CERS6: variants seen among roughly 807,000 people sequenced by gnomAD.
The protein encoded by CERS6 is LAG1 homolog, ceramide synthase 6.
Under a neutral mutation model 56.8 loss-of-function variants are expected in CERS6, and 26 were observed. The observed-to-expected ratio is 0.46, with a 90% confidence interval of 0.34 to 0.63. The LOEUF is 0.63. Ranked by LOEUF, CERS6 falls within the 30% of genes least tolerant of loss-of-function variation. CERS6 has a pLI of 0.01. For synonymous variants in CERS6, 164 were observed against 173.3 expected, an observed-to-expected ratio of 0.95 and a Z score of 0.42; for missense variants, 415 against 467.5, an observed-to-expected ratio of 0.89 and a Z score of 1.04.
At chr2:168,509,011 G>A (rs531281489) in intron 1 of CERS6, among the ~76,000 whole-genome samples, 1 of 152,128 alleles carries the variant, frequency 6.6e-6, no homozygotes, top group Admixed American at 6.5e-5. Context: ...TTTCTAGATG[G>A]TAATTTAAGT....
chr2:168,658,776 A>G (rs1046825174), intron 4 of CERS6, among the ~76,000 whole-genome samples: 1 of 152,248 alleles, frequency 6.6e-6, no homozygotes, highest in African/African-American at 2.4e-5. Flanking sequence ...AAGTTCTTAC[A>G]GCACATTATG....
chr2:168,517,152 G>A (rs1464974785), intron 1 of CERS6, among the ~76,000 whole-genome samples: 2 of 151,752 alleles, frequency 1.3e-5, no homozygotes, highest in African/African-American at 2.4e-5. Context: ...CTCAGGGAAG[G>A]TTACTCTTAG....
At chr2:168,622,588 C>A (rs1189575348) in intron 3 of CERS6, among the ~76,000 whole-genome samples, 1 of 152,172 alleles carries the variant, frequency 6.6e-6, no homozygotes, top group Non-Finnish European at 1.5e-5. Flanking sequence ...AATGAAGACT[C>A]TTCTACCCAA....
chr2:168,693,760 C>A (rs1686566630), intron 5 of CERS6, among the ~76,000 whole-genome samples: 1 of 152,154 alleles, frequency 6.6e-6, no homozygotes, highest in Non-Finnish European at 1.5e-5. Flanking sequence ...CTCCCAAAGG[C>A]CCTGCCTCCA....
chr2:168,739,808 C>T (rs1031067181), intron 8 of CERS6, among the ~76,000 whole-genome samples: 3 of 151,622 alleles, frequency 2.0e-5, no homozygotes, highest in Non-Finnish European at 4.4e-5. Flanking sequence ...TACAATGGCA[C>T]CATCTCAGCT....
At chr2:168,571,929 C>T (rs1559003196) in intron 3 of CERS6, among the ~76,000 whole-genome samples, 1 of 152,158 alleles carries the variant, frequency 6.6e-6, no homozygotes, top group Non-Finnish European at 1.5e-5. Flanking sequence ...CTTATATTGC[C>T]TATTTACAAT....
chr2:168,665,559 C>A (rs1201195476), intron 4 of CERS6, among the ~76,000 whole-genome samples: 1 of 152,164 alleles, frequency 6.6e-6, no homozygotes, highest in Non-Finnish European at 1.5e-5. Context: ...GTAACCTAAT[C>A]TCCCCCTTAA....
intron 3 of CERS6, among the ~76,000 whole-genome samples, chr2:168,566,386 A>G (rs1559000781): frequency 2.0e-5 from 3 of 152,168 alleles, no homozygotes; most frequent in Admixed American, 6.5e-5. Context: ...CAATGCTGCC[A>G]TATTTGTATG....
chr2:168,596,876 G>T (rs1683813147), intron 3 of CERS6, among the ~76,000 whole-genome samples: 3 of 152,190 alleles, frequency 2.0e-5, no homozygotes, highest in African/African-American at 7.2e-5. Flanking sequence ...AAGAGCAAAT[G>T]CTCTTAGAGT....
intron 1 of CERS6, among the ~76,000 whole-genome samples, chr2:168,511,560 T>C (rs1694787367): frequency 6.6e-6 from 1 of 152,174 alleles, no homozygotes; most frequent in South Asian, 2.1e-4. Flanking sequence ...TGCTGAGCAT[T>C]TGTGGGCCTT....
At chr2:168,470,169 T>G (rs1340511192) in intron 1 of CERS6, among the ~76,000 whole-genome samples, 1 of 143,746 alleles carries the variant, frequency 7.0e-6, no homozygotes, top group Non-Finnish European at 1.5e-5. Context: ...CCTGGGAGTT[T>G]GAGACCAACC....
At chr2:168,767,148 C>T (rs910961705) in intron 9 of CERS6, among the ~76,000 whole-genome samples, 6 of 152,192 alleles carry the variant, frequency 3.9e-5, no homozygotes, top group Non-Finnish European at 4.4e-5. Flanking sequence ...GCCTGCTCTT[C>T]AACTTATTCC....
intron 3 of CERS6, among the ~76,000 whole-genome samples, chr2:168,578,149 T>C (rs1291102090): frequency 6.6e-6 from 1 of 151,814 alleles, no homozygotes; most frequent in African/African-American, 2.4e-5. Context: ...GACCAGGCTG[T>C]GGAACTGATA....
intron 4 of CERS6, among the ~76,000 whole-genome samples, chr2:168,671,482 C>T (rs925362038): frequency 6.6e-6 from 1 of 152,126 alleles, no homozygotes; most frequent in African/African-American, 2.4e-5. Context: ...TTTTTGATTA[C>T]TTCCTGTTTA....
rs1261403157 is a variant in CERS6 at position 168,555,722 on chromosome 2, C to CTCTG, written c.277-5469_277-5468insCTGT. On this transcript the variant is annotated intron_variant, in intron 2 of 9. Transcript: ENST00000305747. ...TTATTCTAGGAAAGTATAATTGACT[C>CTCTG]TGTGTGTGTGTGTGTGTGTGTGTGT... 1.0e-3 allele frequency among the ~76,000 whole-genome samples: 148 copies of CTCTG among 141,008 alleles called. 3 individuals are homozygous for CTCTG. In the East Asian group the frequency reaches 0.016, roughly 15 times the overall value. 92.5% of individuals were successfully genotyped at this position (141,008 alleles called of 152,430 possible). A position where few individuals can be genotyped will look rare whatever the true frequency, so the allele number is the denominator to read the frequency against.
chr2:168,765,669 T>C lies in CERS6; in HGVS notation c.923T>C (p.Leu308Pro). Residue 308 changes from leucine to proline, a missense_variant, in exon 9 of 10, where the codon CTA (leucine) becomes CCA (proline). By Grantham distance (98) the Leu-to-Pro change is moderately conservative. Transcript: ENST00000305747. ...YPSWWVFNLL[L>P]LLVQGLNCFW... is the part of the protein sequence containing the mutation. ...TCCTGGTGGGTTTTTAACCTACTGC[T>C]ATTGCTAGTACAAGGGTTGAACTGC... 6.2e-7 allele frequency: 1 copy of C among 1,614,122 alleles called. No individual in the cohort carries two copies. The highest frequency in any genetic ancestry group is 8.5e-7 in the Non-Finnish European group (1 of 1,179,954).
chr2:168,738,772 T>C (rs1683793108), intron 8 of CERS6, among the ~76,000 whole-genome samples: 1 of 152,204 alleles, frequency 6.6e-6, no homozygotes, highest in Non-Finnish European at 1.5e-5. Context: ...GTACCCGTGC[T>C]CCAGAAGCTT....
At position 168,717,974 on chromosome 2, in the gene CERS6, C is replaced by G. The variant is rs772956519; in HGVS notation, c.841C>G (p.Leu281Val). The change falls in exon 8 of 10, where the codon CTC becomes GTC. Residue 281 changes from leucine to valine, a missense_variant. Coordinates refer to ENST00000305747, the MANE Select transcript of CERS6 (RefSeq NM_203463.3). ...FITTRLGIFP[L>V]WVLNTTLFES... The stretch of plus-strand genomic sequence containing the variant: ...CACCACACGACTGGGTATATTTCCT[C>G]TCTGGTGAGTATGCCAGTCTCCTTC... The G allele has an allele frequency of 1.0e-5, 16 of 1,606,192 alleles. No individual in the cohort carries two copies. The highest frequency in any genetic ancestry group is 1.4e-5 in the Non-Finnish European group (16 of 1,173,304).
At chr2:168,578,890 A>G (rs1336917617) in intron 3 of CERS6, among the ~76,000 whole-genome samples, 1 of 152,170 alleles carries the variant, frequency 6.6e-6, no homozygotes, top group Non-Finnish European at 1.5e-5. Flanking sequence ...ACATTATTAA[A>G]TGTCTCTGTT....
Sources: gnomAD v4.1 joint callset for allele counts (sites outside exome capture counted in the v4.1 genomes callset) on GRCh38, gnomAD v4.1.1 for gene constraint, MANE v1.5 for transcripts, NCBI Gene and HGNC (gene_info 2026-07-23, HGNC 2026-07-21) for gene names.